Variants in PTPRT observed in about 807,000 individuals in gnomAD.
The protein encoded by PTPRT is receptor-type tyrosine-protein phosphatase T.
Under a neutral mutation model 176.8 loss-of-function variants are expected in PTPRT, and 56 were observed. That is an observed-to-expected ratio of 0.32 (90% CI 0.26 to 0.40). PTPRT has a LOEUF of 0.40. PTPRT is among the 10% of genes least tolerant of loss of function. The probability of loss-of-function intolerance (pLI) is 1.00; values close to 1 mark genes in which losing one functional copy is unlikely to be tolerated. For missense variants in PTPRT, 1,540 were observed against 1,908.2 expected, an observed-to-expected ratio of 0.81 and a Z score of 3.60; for synonymous variants, 783 against 739.0, an observed-to-expected ratio of 1.06 and a Z score of -0.96.
intron 9 of PTPRT, among the ~76,000 whole-genome samples, chr20:42,364,904 A>G (rs1009919643): frequency 1.3e-5 from 2 of 152,214 alleles, no homozygotes; most frequent in Non-Finnish European, 2.9e-5. Flanking sequence ...CAGCGATGGG[A>G]TAACAAAGGA....
intron 7 of PTPRT, among the ~76,000 whole-genome samples, chr20:42,594,554 T>C (rs1405287577): frequency 6.6e-6 from 1 of 152,214 alleles, no homozygotes; most frequent in Non-Finnish European, 1.5e-5. Context: ...GTATATAATA[T>C]ACATACACCT....
chr20:42,126,799 G>A (rs1423366078), intron 19 of PTPRT, among the ~76,000 whole-genome samples: 1 of 152,200 alleles, frequency 6.6e-6, no homozygotes, highest in Non-Finnish European at 1.5e-5. Context: ...ACTGAATACT[G>A]GATGTATGAA....
chr20:42,990,462 G>T (rs980752504), intron 1 of PTPRT, among the ~76,000 whole-genome samples: 1 of 152,096 alleles, frequency 6.6e-6, no homozygotes, highest in African/African-American at 2.4e-5. Flanking sequence ...TGTTTTTAAT[G>T]TATAAACTTA....
chr20:42,604,115 G>T lies in PTPRT; in HGVS notation c.1153+73751C>A, dbSNP rs149153719. 1.1e-3 allele frequency among the ~76,000 whole-genome samples: 162 copies of T among 152,318 alleles called. 1 individual carries two copies. The highest frequency in any genetic ancestry group is 3.7e-3 in the African/African-American group (154 of 41,568). On this transcript the variant is annotated intron_variant, in intron 7 of 30. Coordinates refer to ENST00000373187, the MANE Select transcript of PTPRT (RefSeq NM_007050.6). Reference sequence around the variant, plus strand: ...TCTTGGCACATGCGGAGCCCATGTTGCAGGTGGCATCAGGCAGACATGGGG... The same window carrying T: ...TCTTGGCACATGCGGAGCCCATGTTTCAGGTGGCATCAGGCAGACATGGGG...
At chr20:43,148,678 T>C (rs956631311) in intron 1 of PTPRT, among the ~76,000 whole-genome samples, 9 of 152,190 alleles carry the variant, frequency 5.9e-5, no homozygotes. Flanking sequence ...GCTATTTTTA[T>C]AGAGGGAGTA....
chr20:42,402,105 G>C (rs1285712536), intron 9 of PTPRT, among the ~76,000 whole-genome samples: 2 of 152,182 alleles, frequency 1.3e-5, no homozygotes, highest in Non-Finnish European at 2.9e-5. Flanking sequence ...GCAGAGAATA[G>C]AGAAAAGTGA....
At chr20:42,514,516 T>C (rs1171402757) in intron 7 of PTPRT, among the ~76,000 whole-genome samples, 1 of 152,196 alleles carries the variant, frequency 6.6e-6, no homozygotes, top group African/African-American at 2.4e-5. Context: ...GCTGGCTTTG[T>C]ATGTTGCAAA....
chr20:42,870,371 T>C (rs1304749986), intron 2 of PTPRT, among the ~76,000 whole-genome samples: 9 of 152,390 alleles, frequency 5.9e-5, no homozygotes, highest in African/African-American at 2.2e-4. Context: ...TATTCCATTG[T>C]ATGCGTATAC....
intron 2 of PTPRT, among the ~76,000 whole-genome samples, chr20:42,821,022 C>T (rs1487766812): frequency 6.6e-6 from 1 of 152,138 alleles, no homozygotes; most frequent in African/African-American, 2.4e-5. Context: ...GAAACTATTC[C>T]AAACAATTGA....
chr20:43,066,728 A>G (rs1024742175), intron 1 of PTPRT, among the ~76,000 whole-genome samples: 14 of 152,270 alleles, frequency 9.2e-5, no homozygotes, highest in African/African-American at 3.4e-4. Context: ...GGCACCATCA[A>G]GGCAAACTCT....
At chr20:43,025,152 T>C (rs921855935) in intron 1 of PTPRT, among the ~76,000 whole-genome samples, 1 of 152,216 alleles carries the variant, frequency 6.6e-6, no homozygotes, top group Admixed American at 6.5e-5. Flanking sequence ...TCCTGTGGAA[T>C]ATATCTTTAG....
At chr20:42,658,414 C>G (rs2075164657) in intron 7 of PTPRT, among the ~76,000 whole-genome samples, 1 of 152,172 alleles carries the variant, frequency 6.6e-6, no homozygotes, top group Non-Finnish European at 1.5e-5. Flanking sequence ...CACTTCAGCA[C>G]TACACTTGGG....
At chr20:42,446,271 T>G (rs1362089606) in intron 9 of PTPRT, among the ~76,000 whole-genome samples, 1 of 152,138 alleles carries the variant, frequency 6.6e-6, no homozygotes, top group Non-Finnish European at 1.5e-5. Context: ...CTGTCATGAG[T>G]TAGTAAAAAA....
intron 16 of PTPRT, among the ~76,000 whole-genome samples, chr20:42,167,975 C>G (rs537475276): frequency 6.6e-6 from 1 of 152,226 alleles, no homozygotes; most frequent in East Asian, 1.9e-4. Flanking sequence ...ATAACATAAA[C>G]AGCTGATTAA....
intron 7 of PTPRT, among the ~76,000 whole-genome samples, chr20:42,566,261 A>C (rs1384230648): frequency 7.1e-6 from 1 of 140,732 alleles, no homozygotes; most frequent in African/African-American, 2.8e-5. Context: ...TCAGCCTCCC[A>C]AGTAGCTGGG....
intron 1 of PTPRT, among the ~76,000 whole-genome samples, chr20:43,115,801 T>G (rs1055040625): frequency 1.4e-4 from 21 of 152,196 alleles, no homozygotes; most frequent in Admixed American, 6.5e-4. Context: ...TGAATAGCCC[T>G]GGGCAACTAA....
chr20:42,697,332 G>A (rs4812630), intron 6 of PTPRT, among the ~76,000 whole-genome samples: 56,176 of 152,074 alleles, frequency 0.37, 11,501 homozygotes, highest in African/African-American at 0.55. Flanking sequence ...TGCACTTCAA[G>A]TGTGTCCAAA....
chr20:42,818,922 T>C (rs1228163571), intron 2 of PTPRT, among the ~76,000 whole-genome samples: 1 of 152,092 alleles, frequency 6.6e-6, no homozygotes, highest in East Asian at 1.9e-4. Flanking sequence ...GAACCTACAA[T>C]TGACTGAAGT....
At chr20:42,228,602 C>G (rs974997182) in intron 15 of PTPRT, among the ~76,000 whole-genome samples, 1 of 152,224 alleles carries the variant, frequency 6.6e-6, no homozygotes, top group Admixed American at 6.5e-5. Context: ...GATCTGAAAG[C>G]TCTATCATCA....
Sources: allele counts gnomAD v4.1 joint callset (sites outside exome capture counted in the v4.1 genomes callset), GRCh38; gene constraint gnomAD v4.1.1; transcripts MANE v1.5; gene names NCBI Gene and HGNC (gene_info 2026-07-23, HGNC 2026-07-21).